The following OR4M1 variants were observed in gnomAD, a reference collection of about 807,000 sequenced individuals.
OR4M1 encodes olfactory receptor family 4 subfamily M member 1.
Under a neutral mutation model 9.8 loss-of-function variants are expected in OR4M1, and 7 were observed. That is an observed-to-expected ratio of 0.71 (90% confidence interval 0.41 to 1.34). OR4M1 has a LOEUF of 1.34. Ranked by LOEUF, OR4M1 falls within the 40% of genes most tolerant of loss-of-function variation. The pLI is 0.01. For synonymous variants in OR4M1, 121 were observed against 139.8 expected, an observed-to-expected ratio of 0.87 and a Z score of 0.95; for missense variants, 331 against 380.4, an observed-to-expected ratio of 0.87 and a Z score of 1.08.
intron 1 of OR4M1, among the ~76,000 whole-genome samples, chr14:19,780,045 G>C (rs890290052): frequency 6.6e-6 from 1 of 152,206 alleles, no homozygotes; most frequent in Non-Finnish European, 1.5e-5. Flanking sequence ...GAAAAAGTAA[G>C]ATTTTTAACA....
intron 1 of OR4M1, among the ~76,000 whole-genome samples, chr14:19,775,783 T>C (rs1231451232): frequency 6.8e-6 from 1 of 147,816 alleles, no homozygotes; most frequent in East Asian, 1.9e-4. Context: ...AATAACATAT[T>C]AAAGTATATT....
chr14:19,781,809 T>A lies in OR4M1; in HGVS notation c.*545T>A, dbSNP rs11156922. 40,354 of 151,884 alleles carry A rather than the reference T, an allele frequency of 0.27. 2,549 individuals are homozygous for A. The highest frequency in any genetic ancestry group is 0.42 in the East Asian group (2,148 of 5,116). The allele number at this position is 151,884 out of a possible 1,614,324, so 9.4% of individuals were successfully genotyped here. A position where few individuals can be genotyped will look rare whatever the true frequency, so the allele number is the denominator to read the frequency against. ...TTGATGGAAAATGAGGATTCATTTATAGAAGGTATTTCAGTTTATATTTCA... is the reference window on the plus strand; with the variant it reads ...TTGATGGAAAATGAGGATTCATTTAAAGAAGGTATTTCAGTTTATATTTCA... On this transcript the variant is annotated 3_prime_UTR_variant, in exon 2 of 2. Coordinates refer to ENST00000641200, the MANE Select transcript of OR4M1 (RefSeq NM_001005500.2).
intron 1 of OR4M1, among the ~76,000 whole-genome samples, chr14:19,776,727 C>G (rs1229839756): frequency 6.6e-6 from 1 of 152,198 alleles, no homozygotes; most frequent in Non-Finnish European, 1.5e-5. Flanking sequence ...CAATTCCCAG[C>G]CTTTCTTGGG....
At chr14:19,779,575 T>C (rs1223556596) in intron 1 of OR4M1, among the ~76,000 whole-genome samples, 1 of 152,242 alleles carries the variant, frequency 6.6e-6, no homozygotes. Context: ...GCAAGCATAC[T>C]CATTTCCCAG....
intron 1 of OR4M1, among the ~76,000 whole-genome samples, chr14:19,777,007 CATATATATATATATATATATAT>C (rs71431978): frequency 5.4e-4 from 25 of 45,924 alleles, no homozygotes; most frequent in East Asian, 3.9e-3. Flanking sequence ...TTGTTTAAGC[CATATATATATATATATATATAT>C]ATATATATAT....
chr14:19,781,111 A>G lies in OR4M1; in HGVS notation c.789A>G (p.Pro263=). Residue 263 remains proline (P), a synonymous_variant, in exon 2 of 2, where the codon CCA becomes CCG. Coordinates refer to ENST00000641200, the MANE Select transcript of OR4M1 (RefSeq NM_001005500.2). ...FGPSIYIYAR[P]FDSFSLDKVV... The stretch of plus-strand genomic sequence containing the variant: ...CATCCATCTACATTTATGCTCGCCC[A>G]TTTGACTCATTTTCCCTAGATAAAG... The G allele has an allele frequency of 1.2e-6, 2 of 1,614,216 alleles. No homozygotes were observed. Among genetic ancestry groups the G allele is most frequent in the South Asian group, 1.1e-5 (1 of 91,088 alleles).
Position 19,783,074 on chromosome 14 carries a change from C to G in OR4M1, c.*1810C>G, listed in dbSNP as rs1878551908. 1 of 152,190 alleles carries G rather than the reference C, an allele frequency of 6.6e-6. No individual in the cohort carries two copies. The highest frequency in any genetic ancestry group is 1.5e-5 in the Non-Finnish European group (1 of 68,046). 9.4% of individuals were successfully genotyped at this position (152,190 alleles called of 1,614,324 possible). A position where few individuals can be genotyped will look rare whatever the true frequency, so the allele number is the denominator to read the frequency against. Reference sequence around the variant, plus strand: ...TACAGAAGGATATTTACTGAAAATACTGAAGCTAGTAATACAAAGGAAAAA... The same window carrying G: ...TACAGAAGGATATTTACTGAAAATAGTGAAGCTAGTAATACAAAGGAAAAA... On this transcript the variant is annotated 3_prime_UTR_variant, in exon 2 of 2. Coordinates refer to ENST00000641200, the MANE Select transcript of OR4M1 (RefSeq NM_001005500.2).
At chr14:19,778,874 G>C (rs1200685341) in intron 1 of OR4M1, among the ~76,000 whole-genome samples, 3 of 152,150 alleles carry the variant, frequency 2.0e-5, no homozygotes, top group Non-Finnish European at 4.4e-5. Context: ...TATTAAATAT[G>C]CTTAATTAAC....
At position 19,780,872 on chromosome 14, in the gene OR4M1, G is replaced by A. The variant is rs1169119538; in HGVS notation, c.550G>A (p.Val184Ile). 2 of 1,614,220 alleles carry A rather than the reference G, an allele frequency of 1.2e-6. No homozygotes were observed. Among genetic ancestry groups the A allele is most frequent in the East Asian group, 2.2e-5 (1 of 44,876 alleles). ...LDSYFCDITQ[V>I]VRIACANTFP... ...CAGTTACTTCTGTGACATCACACAGGTTGTCCGGATTGCCTGTGCCAACAC... is the reference window on the plus strand; with the variant it reads ...CAGTTACTTCTGTGACATCACACAGATTGTCCGGATTGCCTGTGCCAACAC... Residue 184 changes from valine to isoleucine, a missense_variant, in exon 2 of 2, where the codon GTT becomes ATT. By Grantham distance (29) the Val-to-Ile change is conservative. Transcript: ENST00000641200.
chr14:19,779,020 T>C (rs1446973490), intron 1 of OR4M1, among the ~76,000 whole-genome samples: 1 of 152,232 alleles, frequency 6.6e-6, no homozygotes, highest in Non-Finnish European at 1.5e-5. Context: ...ACACTGTTTT[T>C]GTGCGTGTGT....
In OR4M1 at chr14:19,781,186, T is replaced by G. The variant is rs544746952; in HGVS notation, c.864T>G (p.Ile288Met). Residue 288 changes from isoleucine to methionine, a missense_variant, in exon 2 of 2, where the codon ATT becomes ATG. Ile to Met is a conservative substitution (Grantham distance 10). Transcript: ENST00000641200. ...TATTCCCTTTACTTAATCCCATTAT[T>G]TACACATTGAGAAACAAGGAAGTAA... is the stretch of plus-strand genomic sequence containing the variant. ...TVIFPLLNPIIYTLRNKEVKA... is the reference protein window; with the variant it reads ...TVIFPLLNPIMYTLRNKEVKA... 6.2e-7 allele frequency: 1 copy of G among 1,614,196 alleles called. No homozygotes were observed. The highest frequency in any genetic ancestry group is 8.5e-7 in the Non-Finnish European group (1 of 1,180,002).
chr14:19,782,112 T>C lies in OR4M1; in HGVS notation c.*848T>C, dbSNP rs1303627919. On this transcript the variant is annotated 3_prime_UTR_variant, in exon 2 of 2. Coordinates refer to ENST00000641200, the MANE Select transcript of OR4M1 (RefSeq NM_001005500.2). ...AAACTATCATCTCCTTTGCCACTTT[T>C]GTATGTTTTCCGTAATTGCTAATCC... The C allele has an allele frequency of 1.3e-5, 2 of 152,310 alleles. No individual in the cohort carries two copies. Among genetic ancestry groups the C allele is most frequent in the Admixed American group, 1.3e-4 (2 of 15,286 alleles). 9.4% of individuals were successfully genotyped at this position (152,310 alleles called of 1,614,324 possible).
rs1878260941 is a variant in OR4M1 at position 19,774,768 on chromosome 14, A to G, written c.-30+1175A>G. Reference sequence around the variant, plus strand: ...GACCATTATATGCATTAATCACTACAATACCTATGAAGTAGGTACTGTTAT... The same window carrying G: ...GACCATTATATGCATTAATCACTACGATACCTATGAAGTAGGTACTGTTAT... On this transcript the variant is annotated intron_variant, in intron 1 of 1. Transcript: ENST00000641200. Among the ~76,000 whole-genome samples the G allele has an allele frequency of 2.0e-5, 3 of 152,174 alleles. No homozygotes were observed. In the South Asian group the frequency reaches 6.2e-4, roughly 31 times the overall value.
chr14:19,781,395 A>G lies in OR4M1; in HGVS notation c.*131A>G. 2 of 894,068 alleles carry G rather than the reference A, an allele frequency of 2.2e-6. No homozygotes were observed. Among genetic ancestry groups the G allele is most frequent in the Non-Finnish European group, 3.3e-6 (2 of 603,730 alleles). The allele number at this position is 894,068 out of a possible 1,614,324, so 55.4% of individuals were successfully genotyped here. A position where few individuals can be genotyped will look rare whatever the true frequency, so the allele number is the denominator to read the frequency against. Reference sequence around the variant, plus strand: ...TAAAATTTTACTATAATTTTTCTCTATTAATTCCTCTTTATATTGAAAAAA... The same window carrying G: ...TAAAATTTTACTATAATTTTTCTCTGTTAATTCCTCTTTATATTGAAAAAA... On this transcript the variant is annotated 3_prime_UTR_variant, in exon 2 of 2. Transcript: ENST00000641200.
At chr14:19,773,859 A>C (rs1878237282) in intron 1 of OR4M1, among the ~76,000 whole-genome samples, 1 of 152,234 alleles carries the variant, frequency 6.6e-6, no homozygotes, top group South Asian at 2.1e-4. Flanking sequence ...GGCATTGAAG[A>C]GACAGCTTGG....
chr14:19,780,364 C>T lies in OR4M1; in HGVS notation c.42C>T (p.Leu14=). The T allele has an allele frequency of 2.5e-6, 4 of 1,613,978 alleles. No individual in the cohort carries two copies. Among genetic ancestry groups the T allele is most frequent in the Non-Finnish European group, 3.4e-6 (4 of 1,179,894 alleles). The change falls in exon 2 of 2, where the codon CTC becomes CTT. Residue 14 remains leucine, a synonymous_variant. Coordinates refer to ENST00000641200, the MANE Select transcript of OR4M1 (RefSeq NM_001005500.2). ...ACACCAAGGTGACAGAATTTGTTCT[C>T]ACTGGCCTATCCCAGACTCGGGAGG... ...ANYTKVTEFV[L]TGLSQTREVQ...
intron 1 of OR4M1, among the ~76,000 whole-genome samples, chr14:19,779,369 G>A (rs552896718): frequency 6.6e-6 from 1 of 152,320 alleles, no homozygotes; most frequent in Admixed American, 6.5e-5. Flanking sequence ...TTACCTTGGT[G>A]TGGCAGTTTT....
At chr14:19,776,358 A>G (rs2138427952) in intron 1 of OR4M1, among the ~76,000 whole-genome samples, 2 of 152,320 alleles carry the variant, frequency 1.3e-5, no homozygotes, top group Middle Eastern at 6.8e-3. Flanking sequence ...CCCCCAAAGC[A>G]TTGCTTCTCT....
intron 1 of OR4M1, among the ~76,000 whole-genome samples, chr14:19,776,506 G>A (rs1878313562): frequency 1.3e-5 from 2 of 152,232 alleles, no homozygotes; most frequent in South Asian, 4.1e-4. Flanking sequence ...AGAAGCAGAA[G>A]CTTAGGAGAA....
Sources: allele counts gnomAD v4.1 joint callset (sites outside exome capture counted in the v4.1 genomes callset), GRCh38; gene constraint gnomAD v4.1.1; transcripts MANE v1.5; gene names NCBI Gene and HGNC (gene_info 2026-07-23, HGNC 2026-07-21).